ZNF362: variants seen among roughly 807,000 people sequenced by gnomAD.
The protein encoded by ZNF362 is rotund homolog.
A neutral mutation model predicts 42.9 loss-of-function variants in ZNF362; 11 were observed. That is an observed-to-expected ratio of 0.26 (90% CI 0.16 to 0.42). The LOEUF is 0.42. ZNF362 is among the 20% of genes least tolerant of loss of function. The probability of loss-of-function intolerance (pLI) is 1.00; values close to 1 mark genes in which losing one functional copy is unlikely to be tolerated. For synonymous variants in ZNF362, 255 were observed against 257.3 expected, an observed-to-expected ratio of 0.99 and a Z score of 0.09; for missense variants, 362 against 576.2, an observed-to-expected ratio of 0.63 and a Z score of 3.81.
chr1:33,262,940 C>G (rs1444452039), intron 1 of ZNF362, among the ~76,000 whole-genome samples: 1 of 152,226 alleles, frequency 6.6e-6, no homozygotes, highest in African/African-American at 2.4e-5. Context: ...GCTCTTGCCA[C>G]TGGGAGGACC....
At chr1:33,285,484 G>A (rs912412213) in intron 6 of ZNF362, among the ~76,000 whole-genome samples, 1 of 152,120 alleles carries the variant, frequency 6.6e-6, no homozygotes, top group Admixed American at 6.5e-5. Flanking sequence ...ATCCCATAAA[G>A]CATTATCACT....
intron 6 of ZNF362, among the ~76,000 whole-genome samples, chr1:33,283,204 T>C (rs1221903518): frequency 2.6e-5 from 4 of 152,174 alleles, no homozygotes; most frequent in African/African-American, 9.7e-5. Context: ...CTCGGATCAC[T>C]GCAACCTCTG....
chr1:33,147,414 G>A, the ZNF362 span: 256 of 1,614,138 alleles, frequency 1.6e-4, no homozygotes, highest in South Asian at 2.5e-3. The surrounding 1 kb of genome is among the most constrained non-coding windows in gnomAD (Gnocchi z 8.1). Context: ...TGCAGGCGCT[G>A]TACTGGTTGC....
the ZNF362 span, among the ~76,000 whole-genome samples, chr1:33,229,256 G>C: frequency 2.6e-5 from 4 of 152,018 alleles, no homozygotes; most frequent in Non-Finnish European, 4.4e-5. Flanking sequence ...CATGAGCTCT[G>C]GGATTTATCT....
At chr1:33,275,441 T>C in intron 2 of ZNF362, 1 of 965,436 alleles carries the variant, frequency 1.0e-6, no homozygotes, top group Non-Finnish European at 1.2e-6. Context: ...TCCACGTCGT[T>C]GTAGGTCAGA....
the ZNF362 span, among the ~76,000 whole-genome samples, chr1:33,215,848 G>C: frequency 3.3e-5 from 5 of 150,738 alleles, no homozygotes; most frequent in Non-Finnish European, 7.4e-5. Flanking sequence ...TTTTGAAAAA[G>C]GTTTTCTGCC....
the ZNF362 span, among the ~76,000 whole-genome samples, chr1:33,214,183 T>C: frequency 8.5e-4 from 129 of 152,252 alleles, no homozygotes; most frequent in African/African-American, 3.1e-3. Context: ...CCCCTAAAAA[T>C]TCCTATGGGA....
chr1:33,192,998 CACACACATAT>C, the ZNF362 span, among the ~76,000 whole-genome samples: 2 of 21,144 alleles, frequency 9.5e-5, no homozygotes, highest in South Asian at 4.0e-3. Context: ...CACACACACA[CACACACATAT>C]ATATATATAT....
intron 1 of ZNF362, among the ~76,000 whole-genome samples, chr1:33,262,285 G>A (rs1343566418): frequency 2.0e-5 from 3 of 147,228 alleles, no homozygotes; most frequent in African/African-American, 7.5e-5. Flanking sequence ...TTTGGGCAAA[G>A]GCTTTAGGAT....
At chr1:33,232,297 C>G in the ZNF362 span, among the ~76,000 whole-genome samples, 1 of 151,810 alleles carries the variant, frequency 6.6e-6, no homozygotes, top group African/African-American at 2.4e-5. Context: ...CAGGGTCTCA[C>G]TCTGTTGCCC....
chr1:33,160,045 G>A, the ZNF362 span: 1 of 1,471,570 alleles, frequency 6.8e-7, no homozygotes, highest in South Asian at 1.3e-5. Flanking sequence ...GAGAGGAAAG[G>A]GTGGGAAAGG....
chr1:33,173,884 A>C, the ZNF362 span, among the ~76,000 whole-genome samples: 2 of 151,856 alleles, frequency 1.3e-5, no homozygotes, highest in Non-Finnish European at 2.9e-5. Flanking sequence ...TTTATTGTAG[A>C]GATGGGGTCT....
At chr1:33,276,805 C>T (rs556733896) in intron 4 of ZNF362, among the ~76,000 whole-genome samples, 1 of 152,230 alleles carries the variant, frequency 6.6e-6, no homozygotes, top group East Asian at 1.9e-4. Context: ...GGACCCTTCT[C>T]CCCCCAGTGG....
At chr1:33,196,409 TA>T in the ZNF362 span, among the ~76,000 whole-genome samples, 1 of 151,544 alleles carries the variant, frequency 6.6e-6, no homozygotes, top group South Asian at 2.1e-4. Flanking sequence ...AACAAACAAA[TA>T]AAAAACAAAG....
chr1:33,170,779 G>A, the ZNF362 span, among the ~76,000 whole-genome samples: 2 of 152,174 alleles, frequency 1.3e-5, no homozygotes, highest in African/African-American at 4.8e-5. Flanking sequence ...CCATTGGGCT[G>A]TGTGACCCTA....
the ZNF362 span, among the ~76,000 whole-genome samples, chr1:33,197,130 C>T: frequency 6.6e-6 from 1 of 152,146 alleles, no homozygotes; most frequent in Non-Finnish European, 1.5e-5. Context: ...CATCAGAGTC[C>T]AGGTTCTTTG....
At chr1:33,289,493 G>A (rs915397945) in intron 6 of ZNF362, among the ~76,000 whole-genome samples, 27 of 152,166 alleles carry the variant, frequency 1.8e-4, no homozygotes, top group Non-Finnish European at 3.2e-4. Context: ...GTTGTTGCAC[G>A]TGCATGGGAG....
At chr1:33,189,668 T>C in the ZNF362 span, among the ~76,000 whole-genome samples, 1,127 of 34,416 alleles carry the variant, frequency 0.033, 98 homozygotes, top group African/African-American at 0.068. Context: ...TATATATATA[T>C]ATATGTATAT....
the ZNF362 span, among the ~76,000 whole-genome samples, chr1:33,197,310 T>C: frequency 6.6e-6 from 1 of 152,172 alleles, no homozygotes; most frequent in Non-Finnish European, 1.5e-5. Context: ...TTGTGGGACT[T>C]TGCCTTGTAA....
Sources: allele counts gnomAD v4.1 joint callset (sites outside exome capture counted in the v4.1 genomes callset), GRCh38; gene constraint gnomAD v4.1.1; non-coding constraint Gnocchi (gnomAD v3.1); transcripts MANE v1.5; gene names NCBI Gene and HGNC (gene_info 2026-07-23, HGNC 2026-07-21).